Variants in TBC1D2B observed in about 807,000 individuals in gnomAD.
TBC1D2B encodes the protein TBC1 domain family, member 2B.
A neutral mutation model predicts 100.8 loss-of-function variants in TBC1D2B; 64 were observed. The ratio of observed to expected loss-of-function variants is 0.64; its 90% CI spans 0.52 to 0.78. The LOEUF (loss-of-function observed/expected upper bound fraction) is 0.78, where lower values mean the gene tolerates loss of function less well. Among genes scored for constraint, TBC1D2B ranks in the 30% least tolerant of loss-of-function variants. The probability of loss-of-function intolerance (pLI) is 0.00; values close to 1 mark genes in which losing one functional copy is unlikely to be tolerated. For missense variants in TBC1D2B, 1,052 were observed against 1,218.4 expected, an observed-to-expected ratio of 0.86 and a Z score of 2.03; for synonymous variants, 480 against 479.7, an observed-to-expected ratio of 1.00 and a Z score of -0.01.
At chr15:78,058,231 C>T (rs2073466964) in intron 1 of TBC1D2B, among the ~76,000 whole-genome samples, 1 of 152,178 alleles carries the variant, frequency 6.6e-6, no homozygotes, top group African/African-American at 2.4e-5. Flanking sequence ...AAATATATTC[C>T]ATTTTGAGAG....
chr15:78,019,902 G>C (rs374571815), intron 6 of TBC1D2B, among the ~76,000 whole-genome samples: 43 of 143,068 alleles, frequency 3.0e-4, no homozygotes, highest in Non-Finnish European at 2.9e-4. Context: ...AAAAAAAAAA[G>C]GGGGGGGGAG....
intron 1 of TBC1D2B, among the ~76,000 whole-genome samples, chr15:78,061,073 T>G (rs1053289964): frequency 2.8e-5 from 4 of 143,806 alleles, no homozygotes; most frequent in African/African-American, 7.8e-5. Flanking sequence ...TGGTAAAACC[T>G]CGTCTCTATT....
At position 78,025,462 on chromosome 15, in the gene TBC1D2B, G is replaced by T. The variant is rs776160197; in HGVS notation, c.883C>A (p.Arg295Ser). The T allele has an allele frequency of 6.2e-7, 1 of 1,613,654 alleles. No homozygotes were observed. The highest frequency in any genetic ancestry group is 8.5e-7 in the Non-Finnish European group (1 of 1,179,796). The part of the protein sequence containing the change: ...TGSGFPFDFG[R>S]NPYKGKRPLK... Reference sequence around the variant, plus strand: ...GGGCGCTTTCCTTTGTAGGGGTTACGTCCAAAATCAAAGGGGAATCCTGAG... The same window carrying T: ...GGGCGCTTTCCTTTGTAGGGGTTACTTCCAAAATCAAAGGGGAATCCTGAG... Residue 295 changes from arginine to serine, a missense_variant, in exon 5 of 13, where the codon CGT becomes AGT. Physicochemically the swap from Arg to Ser is moderately radical, Grantham distance 110. Transcript: ENST00000300584.
At chr15:78,063,053 G>A (rs188208564) in intron 1 of TBC1D2B, among the ~76,000 whole-genome samples, 73 of 152,282 alleles carry the variant, frequency 4.8e-4, no homozygotes, top group Middle Eastern at 3.4e-3. Flanking sequence ...CATGTGTTAA[G>A]CTCAAAAGGG....
At position 78,077,674 on chromosome 15, in the gene TBC1D2B, GGCGCCCGCGCCCT is replaced by G; in HGVS notation, c.-35_-23del. 1.0e-6 allele frequency: 1 copy of G among 986,152 alleles called. No individual in the cohort carries two copies. The highest frequency in any genetic ancestry group is 1.2e-6 in the Non-Finnish European group (1 of 831,648). The allele number at this position is 986,152 out of a possible 1,614,324, so 61.1% of individuals were successfully genotyped here. The stretch of plus-strand genomic sequence containing the variant: ...GCATCGCTACCGCGCGCCAACCGTA[GGCGCCCGCGCCCT>G]GCGCCTCCGCGCCGCGGCCGCTGCG... On this transcript the variant is annotated 5_prime_UTR_variant, in exon 1 of 13. Transcript: ENST00000300584.
At chr15:78,023,562 C>T (rs775086709) in intron 6 of TBC1D2B, among the ~76,000 whole-genome samples, 27 of 152,194 alleles carry the variant, frequency 1.8e-4, no homozygotes, top group Middle Eastern at 3.2e-3. Context: ...TCTGTTCAGG[C>T]AATAGCCTCC....
At chr15:78,001,882 C>T in intron 11 of TBC1D2B, 142 bp from the exon 12 acceptor site, 1 of 916,580 alleles carries the variant, frequency 1.1e-6, no homozygotes, top group Non-Finnish European at 1.6e-6. Flanking sequence ...GACTATTGAC[C>T]TGAGGGGCAA....
chr15:78,019,890 A>G (rs1455519966), intron 6 of TBC1D2B, among the ~76,000 whole-genome samples: 2 of 143,110 alleles, frequency 1.4e-5, no homozygotes, highest in African/African-American at 2.5e-5. Flanking sequence ...CTCTGTATCA[A>G]AAAAAAAAAA....
intron 1 of TBC1D2B, among the ~76,000 whole-genome samples, chr15:78,059,870 C>T (rs139689699): frequency 1.3e-5 from 2 of 152,304 alleles, no homozygotes; most frequent in African/African-American, 2.4e-5. Context: ...TATGGGCCCA[C>T]TCTCAGCAGG....
chr15:78,013,328 A>G lies in TBC1D2B; in HGVS notation c.1776-11T>C, dbSNP rs944083554. 3.2e-6 allele frequency: 5 copies of G among 1,561,708 alleles called. No homozygotes were observed. The African/African-American group carries it at 5.5e-5, about 17-fold the overall frequency. On this transcript the variant is annotated splice_polypyrimidine_tract_variant and intron_variant, in intron 8 of 12. Coordinates refer to ENST00000300584, the MANE Select transcript of TBC1D2B (RefSeq NM_144572.2). ...TAAATATCATATTCACTGTTGATAA[A>G]AACAAAAGGAAAAATTAAAATGACA...
chr15:78,035,733 A>G (rs1489448903), intron 3 of TBC1D2B, among the ~76,000 whole-genome samples: 1 of 151,820 alleles, frequency 6.6e-6, no homozygotes, highest in Admixed American at 6.5e-5. Flanking sequence ...GTACAAGAAT[A>G]TCAGAACAAT....
chr15:78,054,104 G>A lies in TBC1D2B; in HGVS notation c.444C>T (p.Val148=), dbSNP rs879902579. The change falls in exon 2 of 13, where the codon GTC becomes GTT. Residue 148 remains valine (V), a synonymous_variant. Transcript: ENST00000300584. Reference sequence around the variant, plus strand: ...TTGGAGAGGTCCTGCTGTCCCACTTGACCATGTCAAGACTGTTACAATATT... The same window carrying A: ...TTGGAGAGGTCCTGCTGTCCCACTTAACCATGTCAAGACTGTTACAATATT... ...RWEYCNSLDM[V]KWDSRTSPTP... 7 of 1,613,738 alleles carry A rather than the reference G, an allele frequency of 4.3e-6. 1 individual carries two copies. Among genetic ancestry groups the A allele is most frequent in the Non-Finnish European group, 4.2e-6 (5 of 1,179,848 alleles).
chr15:78,002,434 G>C (rs1179910347), intron 11 of TBC1D2B: 1 of 151,280 alleles, frequency 6.6e-6, no homozygotes, highest in Non-Finnish European at 1.5e-5. Flanking sequence ...CACCCACCTC[G>C]GCCTCCCAAA....
intron 1 of TBC1D2B, among the ~76,000 whole-genome samples, chr15:78,056,570 G>T (rs780971272): frequency 2.6e-5 from 4 of 152,308 alleles, no homozygotes; most frequent in African/African-American, 9.6e-5. Flanking sequence ...CCTGGGGCGG[G>T]GCAAAGAGCA....
At chr15:78,001,853 G>A (rs60331274) in intron 11 of TBC1D2B, 113 bp from the exon 12 acceptor site, 23 of 1,238,104 alleles carry the variant, frequency 1.9e-5, no homozygotes, top group Middle Eastern at 2.0e-4. Context: ...TGGCTTGCAC[G>A]GTCCCCGCCC....
chr15:78,037,696 G>A (rs971532694), intron 3 of TBC1D2B, among the ~76,000 whole-genome samples: 2 of 152,180 alleles, frequency 1.3e-5, no homozygotes, highest in South Asian at 2.1e-4. Flanking sequence ...CTCAAATGCA[G>A]GTGATGACCC....
At chr15:78,026,403 T>A (rs2072670311) in intron 4 of TBC1D2B, among the ~76,000 whole-genome samples, 1 of 152,122 alleles carries the variant, frequency 6.6e-6, no homozygotes, top group Non-Finnish European at 1.5e-5. Flanking sequence ...TGCCCTCTCT[T>A]GCTCTCTTTC....
In TBC1D2B at chr15:78,024,547, C is replaced by A. The variant is rs1456300182; in HGVS notation, c.1087-8G>T. ...GAGCAGTCGAACAAGCTCCTGGGAG[C>A]CAAAAGGAGAATGGAGTGAAGGGTG... On this transcript the variant is annotated splice_region_variant and splice_polypyrimidine_tract_variant and intron_variant, in intron 5 of 12. Transcript: ENST00000300584. 5.0e-6 allele frequency: 8 copies of A among 1,601,116 alleles called. No homozygotes were observed. Among genetic ancestry groups the A allele is most frequent in the Non-Finnish European group, 6.8e-6 (8 of 1,172,684 alleles).
intron 9 of TBC1D2B, among the ~76,000 whole-genome samples, chr15:78,009,444 G>A (rs901045714): frequency 3.3e-5 from 5 of 152,050 alleles, no homozygotes; most frequent in African/African-American, 9.7e-5. Flanking sequence ...GTAGGCTGAG[G>A]CAGGAGGATC....
Sources: gnomAD v4.1 joint callset for allele counts (sites outside exome capture counted in the v4.1 genomes callset) on GRCh38, gnomAD v4.1.1 for gene constraint, MANE v1.5 for transcripts, NCBI Gene and HGNC (gene_info 2026-07-23, HGNC 2026-07-21) for gene names.